COMMD10: variants seen among roughly 807,000 people sequenced by gnomAD.
COMMD10 encodes COMM domain-containing protein 10.
A neutral mutation model predicts 28.9 loss-of-function variants in COMMD10; 33 were observed. The ratio of observed to expected loss-of-function variants is 1.14; its 90% CI spans 0.87 to 1.53. The LOEUF is 1.53. Among genes scored for constraint, COMMD10 ranks in the 40% most tolerant of loss-of-function variants. The pLI is 0.00. For missense variants in COMMD10, 310 were observed against 233.4 expected (o/e 1.33, Z -2.14); for synonymous variants, 110 against 81.7 (o/e 1.35, Z -1.87).
chr5:116,142,103 T>C (rs1171698555), intron 5 of COMMD10, among the ~76,000 whole-genome samples: 2 of 151,868 alleles, frequency 1.3e-5, no homozygotes, highest in Non-Finnish European at 2.9e-5. Flanking sequence ...TCCATTTGTT[T>C]TATTTTATTT....
chr5:116,275,957 T>A (rs1243946823), intron 5 of COMMD10, among the ~76,000 whole-genome samples: 7 of 148,590 alleles, frequency 4.7e-5, no homozygotes, highest in Admixed American at 3.4e-4. Flanking sequence ...GAAAAAAAAA[T>A]GTATATATAT....
chr5:116,255,224 C>G (rs1750247883), intron 5 of COMMD10, among the ~76,000 whole-genome samples: 1 of 151,726 alleles, frequency 6.6e-6, no homozygotes, highest in Admixed American at 6.6e-5. Flanking sequence ...CTGAACACAG[C>G]ACACTGATGG....
At chr5:116,137,245 T>A (rs3933997) in intron 5 of COMMD10, among the ~76,000 whole-genome samples, 1 of 151,870 alleles carries the variant, frequency 6.6e-6, no homozygotes, top group East Asian at 1.9e-4. Context: ...CTACTTTTCT[T>A]TCAAATATTT....
chr5:116,247,371 A>G (rs1437365155), intron 5 of COMMD10, among the ~76,000 whole-genome samples: 1 of 152,124 alleles, frequency 6.6e-6, no homozygotes, highest in Non-Finnish European at 1.5e-5. Flanking sequence ...TGTTGGTGGC[A>G]GTGTAAATTG....
chr5:116,149,203 G>A (rs1752435787), intron 5 of COMMD10, among the ~76,000 whole-genome samples: 1 of 145,858 alleles, frequency 6.9e-6, no homozygotes, highest in African/African-American at 2.7e-5. Flanking sequence ...TTTTATGGCT[G>A]CGTAGTATTC....
chr5:116,189,170 C>T (rs1362853836), intron 5 of COMMD10, among the ~76,000 whole-genome samples: 1 of 152,154 alleles, frequency 6.6e-6, no homozygotes, highest in African/African-American at 2.4e-5. Flanking sequence ...CATATGACCT[C>T]CTGTGACAGC....
chr5:116,199,026 A>G lies in COMMD10; in HGVS notation c.510+64848A>G, dbSNP rs145465226. 2.6e-3 allele frequency among the ~76,000 whole-genome samples: 391 copies of G among 152,230 alleles called. 1 individual carries two copies. The highest frequency in any genetic ancestry group is 4.4e-3 in the Non-Finnish European group (301 of 67,998). On this transcript the variant is annotated intron_variant, in intron 5 of 6. Transcript: ENST00000274458. ...AACAGCATGTTTAGTTTTGTGAGAA[A>G]TTGCCAAACTGTCTTTCATGGTGGT...
At chr5:116,128,295 A>T (rs1396468267) in intron 4 of COMMD10, among the ~76,000 whole-genome samples, 1 of 152,020 alleles carries the variant, frequency 6.6e-6, no homozygotes, top group African/African-American at 2.4e-5. Flanking sequence ...TGTAAGTGAG[A>T]TGCCTAACTA....
Position 116,101,756 on chromosome 5 carries a change from G to A in COMMD10, c.399+9056G>A, listed in dbSNP as rs186499269. Among the ~76,000 whole-genome samples, 628 of 152,246 alleles carry A rather than the reference G, an allele frequency of 4.1e-3. 3 individuals carry two copies. The highest frequency in any genetic ancestry group is 6.9e-3 in the Non-Finnish European group (470 of 68,002). ...ACTTTTTAATAGCCATTCTGACTAG[G>A]GTAAGATGATAGCTCATTGTGGCTT... On this transcript the variant is annotated intron_variant, in intron 4 of 6. Transcript: ENST00000274458.
In COMMD10 at chr5:116,094,223, A is replaced by T. The variant is rs1490860765; in HGVS notation, c.399+1523A>T. On this transcript the variant is annotated intron_variant, in intron 4 of 6. Transcript: ENST00000274458. Reference sequence around the variant, plus strand: ...TACATTAGAGGAAACAATCAACAAAATGAAGACACAACCTGACAAATGGGA... The same window carrying T: ...TACATTAGAGGAAACAATCAACAAATTGAAGACACAACCTGACAAATGGGA... 2.0e-5 allele frequency among the ~76,000 whole-genome samples: 3 copies of T among 152,318 alleles called. No homozygotes were observed. In the East Asian group the frequency reaches 5.8e-4, roughly 29 times the overall value.
rs570519560 is a variant in COMMD10 at position 116,266,807 on chromosome 5, A to T, written c.511-24710A>T. Reference sequence around the variant, plus strand: ...CTGGTTCAACATACGCAAATCAATGAATGTAATCCATCATATAAACAGAAC... The same window carrying T: ...CTGGTTCAACATACGCAAATCAATGTATGTAATCCATCATATAAACAGAAC... On this transcript the variant is annotated intron_variant, in intron 5 of 6. Coordinates refer to ENST00000274458, the MANE Select transcript of COMMD10 (RefSeq NM_016144.4). Among the ~76,000 whole-genome samples, 34 of 152,024 alleles carry T rather than the reference A, an allele frequency of 2.2e-4. 1 individual carries two copies. Among genetic ancestry groups the T allele is most frequent in the African/African-American group, 7.7e-4 (32 of 41,316 alleles).
rs185286577 is a variant in COMMD10 at position 116,148,483 on chromosome 5, G to C, written c.510+14305G>C. ...TATTTAATGTGCTGCTACCTCCTTGGTGAGAGCAGTACCATAAATATCCCA... is the reference window on the plus strand; with the variant it reads ...TATTTAATGTGCTGCTACCTCCTTGCTGAGAGCAGTACCATAAATATCCCA... On this transcript the variant is annotated intron_variant, in intron 5 of 6. Coordinates refer to ENST00000274458, the MANE Select transcript of COMMD10 (RefSeq NM_016144.4). 4.0e-5 allele frequency among the ~76,000 whole-genome samples: 6 copies of C among 151,874 alleles called. No homozygotes were observed. The East Asian group carries it at 9.7e-4, about 25-fold the overall frequency.
intron 5 of COMMD10, among the ~76,000 whole-genome samples, chr5:116,261,903 A>G (rs1580593720): frequency 6.6e-6 from 1 of 151,746 alleles, no homozygotes; most frequent in Non-Finnish European, 1.5e-5. Context: ...TAGTTTTATA[A>G]TAATAATTAG....
intron 5 of COMMD10, among the ~76,000 whole-genome samples, chr5:116,209,057 A>G (rs1185863079): frequency 6.6e-6 from 1 of 151,952 alleles, no homozygotes; most frequent in Non-Finnish European, 1.5e-5. Flanking sequence ...TTCCTCTTCC[A>G]TGGCTATTCC....
At chr5:116,279,119 C>G (rs1750997267) in intron 5 of COMMD10, among the ~76,000 whole-genome samples, 1 of 151,580 alleles carries the variant, frequency 6.6e-6, no homozygotes, top group African/African-American at 2.4e-5. Context: ...TGGGAGAACA[C>G]AAGAGACAAC....
In COMMD10 at chr5:116,171,924, A is replaced by G. The variant is rs141965927; in HGVS notation, c.510+37746A>G. ...AAACCACCATGGCACGTGTATACCT[A>G]TGTAACAAATCTGCATGTTCTGCAC... On this transcript the variant is annotated intron_variant, in intron 5 of 6. Coordinates refer to ENST00000274458, the MANE Select transcript of COMMD10 (RefSeq NM_016144.4). Among the ~76,000 whole-genome samples the G allele has an allele frequency of 1.6e-3, 251 of 152,266 alleles. 2 individuals are homozygous for G. Among genetic ancestry groups the G allele is most frequent in the African/African-American group, 5.9e-3 (244 of 41,570 alleles).
At chr5:116,205,348 C>T (rs1443285234) in intron 5 of COMMD10, among the ~76,000 whole-genome samples, 2 of 152,038 alleles carry the variant, frequency 1.3e-5, no homozygotes, top group African/African-American at 2.4e-5. Context: ...GAGAAAAATA[C>T]ATTAAATCTT....
intron 5 of COMMD10, among the ~76,000 whole-genome samples, chr5:116,260,429 A>G (rs1239314543): frequency 6.6e-6 from 1 of 151,870 alleles, no homozygotes; most frequent in Non-Finnish European, 1.5e-5. Context: ...TCATGGTAGC[A>G]AATGGATTGT....
chr5:116,163,990 A>T (rs188121709), intron 5 of COMMD10, among the ~76,000 whole-genome samples: 1 of 152,244 alleles, frequency 6.6e-6, no homozygotes, highest in Admixed American at 6.5e-5. Context: ...GGGGTGATGG[A>T]AATACTTTGT....
Sources: allele counts gnomAD v4.1 joint callset (sites outside exome capture counted in the v4.1 genomes callset), GRCh38; gene constraint gnomAD v4.1.1; transcripts MANE v1.5; gene names NCBI Gene and HGNC (gene_info 2026-07-23, HGNC 2026-07-21).